Variants in SMYD3 observed in about 807,000 individuals in gnomAD.
SMYD3 encodes histone-lysine N-methyltransferase SMYD3.
Under a neutral mutation model 57.7 loss-of-function variants are expected in SMYD3, and 36 were observed. That is an observed-to-expected ratio of 0.62 (90% confidence interval 0.48 to 0.82). SMYD3 has a LOEUF of 0.82. Among genes scored for constraint, SMYD3 ranks in the 40% least tolerant of loss-of-function variants. The probability of loss-of-function intolerance (pLI) is 0.00; values close to 1 mark genes in which losing one functional copy is unlikely to be tolerated. For missense variants in SMYD3, 515 were observed against 538.8 expected (o/e 0.96, Z 0.44); for synonymous variants, 211 against 195.0 (o/e 1.08, Z -0.68).
At chr1:246,481,116 T>C (rs1419248310) in intron 1 of SMYD3, among the ~76,000 whole-genome samples, 2 of 152,154 alleles carry the variant, frequency 1.3e-5, no homozygotes, top group African/African-American at 2.4e-5. Flanking sequence ...AGATCTCAAG[T>C]TCTATAATAA....
At chr1:246,366,868 T>A (rs1220799095) in intron 1 of SMYD3, among the ~76,000 whole-genome samples, 13 of 147,936 alleles carry the variant, frequency 8.8e-5, no homozygotes, top group African/African-American at 3.3e-4. Context: ...GAGGTGGAGG[T>A]TGCAGTGAGC....
At chr1:245,981,522 C>T (rs2058596069) in intron 5 of SMYD3, among the ~76,000 whole-genome samples, 1 of 152,162 alleles carries the variant, frequency 6.6e-6, no homozygotes, top group Admixed American at 6.5e-5. Flanking sequence ...ACTTGCAAAG[C>T]GGTTTAAATT....
chr1:246,019,263 T>C (rs2059428429), intron 5 of SMYD3, among the ~76,000 whole-genome samples: 1 of 152,184 alleles, frequency 6.6e-6, no homozygotes, highest in South Asian at 2.1e-4. Flanking sequence ...AGGCCTAGGA[T>C]ACTGCTACAC....
intron 5 of SMYD3, among the ~76,000 whole-genome samples, chr1:245,969,617 G>T (rs559039474): frequency 3.0e-4 from 45 of 152,286 alleles, no homozygotes; most frequent in African/African-American, 1.0e-3. Context: ...ACTAACCAAG[G>T]GGGGAAAGGC....
At chr1:245,810,018 C>T (rs190050259) in intron 10 of SMYD3, among the ~76,000 whole-genome samples, 18 of 152,278 alleles carry the variant, frequency 1.2e-4, no homozygotes, top group Admixed American at 5.2e-4. Context: ...AGGGGACAAA[C>T]GAGGTAAGTA....
At chr1:245,972,131 CTG>C (rs1406729118) in intron 5 of SMYD3, among the ~76,000 whole-genome samples, 1 of 152,186 alleles carries the variant, frequency 6.6e-6, no homozygotes, top group Non-Finnish European at 1.5e-5. Context: ...TGGTACAAGA[CTG>C]TTTTCATTAT....
intron 5 of SMYD3, among the ~76,000 whole-genome samples, chr1:246,255,947 T>TAGAC (rs2063881166): frequency 2.7e-5 from 4 of 149,720 alleles, no homozygotes; most frequent in Admixed American, 2.7e-4. Flanking sequence ...GATAGATAGA[T>TAGAC]AGATAGATAG....
intron 5 of SMYD3, among the ~76,000 whole-genome samples, chr1:245,943,838 C>G (rs191945478): frequency 3.9e-5 from 6 of 152,032 alleles, no homozygotes; most frequent in Non-Finnish European, 8.8e-5. Context: ...ATTTGCAAAT[C>G]GGTAAATAAA....
intron 5 of SMYD3, among the ~76,000 whole-genome samples, chr1:246,192,198 A>C (rs1288436395): frequency 6.6e-6 from 1 of 152,182 alleles, no homozygotes; most frequent in African/African-American, 2.4e-5. Flanking sequence ...ACCTGAGCTC[A>C]AGCGATCCTC....
chr1:246,047,168 G>A (rs1026083835), intron 5 of SMYD3, among the ~76,000 whole-genome samples: 3 of 152,084 alleles, frequency 2.0e-5, no homozygotes, highest in African/African-American at 7.2e-5. Flanking sequence ...AAGCTCATTT[G>A]CAATAATGTC....
chr1:246,169,391 A>AAC (rs2062283673), intron 5 of SMYD3, among the ~76,000 whole-genome samples: 1 of 149,648 alleles, frequency 6.7e-6, no homozygotes, highest in Admixed American at 6.6e-5. Context: ...CAAAAAAAAA[A>AAC]AAAAAAAAAA....
chr1:246,338,074 T>C (rs1257696068), intron 2 of SMYD3, among the ~76,000 whole-genome samples: 2 of 152,210 alleles, frequency 1.3e-5, no homozygotes, highest in Non-Finnish European at 2.9e-5. Flanking sequence ...TCAGCAAAAA[T>C]ATGTTCATTA....
chr1:245,906,397 T>G (rs1159103480), intron 8 of SMYD3, among the ~76,000 whole-genome samples: 2 of 152,110 alleles, frequency 1.3e-5, no homozygotes, highest in African/African-American at 4.8e-5. Flanking sequence ...TATGAAAAGG[T>G]GTTCAATATC....
intron 5 of SMYD3, among the ~76,000 whole-genome samples, chr1:246,080,234 C>T (rs1432303160): frequency 6.6e-6 from 1 of 151,762 alleles, no homozygotes; most frequent in Non-Finnish European, 1.5e-5. Flanking sequence ...AGGCGAGTGG[C>T]GGGTGAGCAG....
At chr1:245,963,820 C>G (rs920810081) in intron 5 of SMYD3, among the ~76,000 whole-genome samples, 2 of 152,148 alleles carry the variant, frequency 1.3e-5, no homozygotes, top group Non-Finnish European at 2.9e-5. Context: ...TCTAGTCATC[C>G]TGTCCCACAA....
chr1:246,187,342 G>C (rs2062659291), intron 5 of SMYD3, among the ~76,000 whole-genome samples: 1 of 151,856 alleles, frequency 6.6e-6, no homozygotes, highest in Admixed American at 6.6e-5. Context: ...ATGAAGAGTG[G>C]AAAAGATATC....
At chr1:245,904,613 C>G (rs1369926536) in intron 8 of SMYD3, among the ~76,000 whole-genome samples, 1 of 152,208 alleles carries the variant, frequency 6.6e-6, no homozygotes, top group African/African-American at 2.4e-5. Flanking sequence ...AACCTCACCA[C>G]TGAGGGCCAA....
chr1:245,931,198 G>C (rs763552503), intron 5 of SMYD3, among the ~76,000 whole-genome samples: 1 of 152,158 alleles, frequency 6.6e-6, no homozygotes, highest in Non-Finnish European at 1.5e-5. Context: ...TGCTTTAAAA[G>C]GATCATTCTG....
chr1:245,777,320 T>G (rs143016709), intron 10 of SMYD3, among the ~76,000 whole-genome samples: 9 of 152,186 alleles, frequency 5.9e-5, no homozygotes, highest in African/African-American at 2.2e-4. Context: ...CCATAGAAAA[T>G]GAGTACAAAA....
Sources: allele counts gnomAD v4.1 joint callset (sites outside exome capture counted in the v4.1 genomes callset), GRCh38; gene constraint gnomAD v4.1.1; transcripts MANE v1.5; gene names NCBI Gene and HGNC (gene_info 2026-07-23, HGNC 2026-07-21).